Variants in WSCD2 observed in about 807,000 individuals in gnomAD.
The protein encoded by WSCD2 is sialate:O-sulfotransferase 2.
In WSCD2, 28 loss-of-function variants were observed where a neutral mutation model predicts 55.7. The observed-to-expected ratio is 0.50, with a 90% confidence interval of 0.37 to 0.69. WSCD2 has a LOEUF of 0.69. Among genes scored for constraint, WSCD2 ranks in the 30% least tolerant of loss-of-function variants. The probability of loss-of-function intolerance (pLI) is 0.00; values close to 1 mark genes in which losing one functional copy is unlikely to be tolerated. For missense variants in WSCD2, 616 were observed against 762.1 expected (o/e 0.81, Z 2.26); for synonymous variants, 301 against 301.9 (o/e 1.00, Z 0.03).
intron 2 of WSCD2, among the ~76,000 whole-genome samples, chr12:108,200,317 C>T (rs375642455): frequency 8.5e-5 from 13 of 152,156 alleles, no homozygotes; most frequent in African/African-American, 3.1e-4. Flanking sequence ...GATGAAGAAA[C>T]AGGCTCAGAG....
At chr12:108,184,048 T>G (rs1221516411) in intron 1 of WSCD2, among the ~76,000 whole-genome samples, 2 of 152,202 alleles carry the variant, frequency 1.3e-5, no homozygotes, top group African/African-American at 2.4e-5. Flanking sequence ...AAGGCTGGGA[T>G]GCAGGAAAAC....
chr12:108,212,022 C>T (rs899699688), intron 4 of WSCD2, among the ~76,000 whole-genome samples: 5 of 152,028 alleles, frequency 3.3e-5, no homozygotes, highest in African/African-American at 7.3e-5. Context: ...GTCAAGCATG[C>T]GGTCAATTTG....
intron 1 of WSCD2, among the ~76,000 whole-genome samples, chr12:108,188,709 G>A (rs936026287): frequency 2.6e-5 from 4 of 151,996 alleles, no homozygotes; most frequent in South Asian, 2.1e-4. Flanking sequence ...AGAAGTGTTC[G>A]AGGCATGGCC....
intron 4 of WSCD2, among the ~76,000 whole-genome samples, chr12:108,224,151 T>C (rs1887821868): frequency 6.6e-6 from 1 of 152,220 alleles, no homozygotes; most frequent in Non-Finnish European, 1.5e-5. Context: ...CTGGGTTAAA[T>C]TTTCTTAAAG....
At position 108,248,890 on chromosome 12, in the gene WSCD2, C is replaced by T. The variant is rs188079823; in HGVS notation, c.*547C>T. 26 of 988,694 alleles carry T rather than the reference C, an allele frequency of 2.6e-5. 1 individual carries two copies. 61.2% of individuals were successfully genotyped at this position (988,694 alleles called of 1,614,324 possible). A position where few individuals can be genotyped will look rare whatever the true frequency, so the allele number is the denominator to read the frequency against. ...GATTGCTGGGAAGTTTCTCCGTGGC[C>T]TTAGGTTTCTGACATCCTGGATAGT... On this transcript the variant is annotated 3_prime_UTR_variant, in exon 9 of 9. Coordinates refer to ENST00000547525, the MANE Select transcript of WSCD2 (RefSeq NM_014653.4). This position sits in a 1 kb window ranked among gnomAD's most constrained non-coding sequence, Gnocchi z 4.3.
At chr12:108,243,228 G>A (rs954861031) in intron 8 of WSCD2, among the ~76,000 whole-genome samples, 1 of 152,166 alleles carries the variant, frequency 6.6e-6, no homozygotes, top group African/African-American at 2.4e-5. Context: ...TGTGTGTGTG[G>A]TTTTTTGTTT....
intron 3 of WSCD2, among the ~76,000 whole-genome samples, 164 bp from the exon 4 acceptor site, chr12:108,209,957 C>T (rs1466855943): frequency 6.6e-6 from 1 of 152,154 alleles, no homozygotes; most frequent in Non-Finnish European, 1.5e-5. Context: ...CTCCTGTCCC[C>T]TGGGGTCTCC....
intron 6 of WSCD2, among the ~76,000 whole-genome samples, chr12:108,229,867 A>C (rs907667176): frequency 2.0e-5 from 2 of 102,418 alleles, no homozygotes; most frequent in African/African-American, 7.6e-5. Context: ...TTGCTCTGGA[A>C]AAAAAAAAAA....
In WSCD2 at chr12:108,227,134, T is replaced by C. The variant is rs779734346; in HGVS notation, c.949T>C (p.Tyr317His). The change falls in exon 6 of 9, where the codon TAC (tyrosine) becomes CAC (histidine). Residue 317 changes from tyrosine (Y) to histidine (H), a missense_variant. Tyr to His is a moderately conservative substitution (Grantham distance 83). Transcript: ENST00000547525. ...GTTTGAGAGCTGCGGGACTCCTAGTTACTTCATTGTGTACCAGACACAAGT... is the reference window on the plus strand; with the variant it reads ...GTTTGAGAGCTGCGGGACTCCTAGTCACTTCATTGTGTACCAGACACAAGT... ...EEFESCGTPSYFIVYQTQVQD... is the reference protein window; with the variant it reads ...EEFESCGTPSHFIVYQTQVQD... 7 of 1,614,094 alleles carry C rather than the reference T, an allele frequency of 4.3e-6. No individual in the cohort carries two copies. The highest frequency in any genetic ancestry group is 3.3e-4 in the Middle Eastern group (2 of 6,062).
chr12:108,176,901 GA>G, intron 1 of WSCD2, among the ~76,000 whole-genome samples: 1 of 152,304 alleles, frequency 6.6e-6, no homozygotes, highest in Middle Eastern at 3.4e-3. Flanking sequence ...CAGCCCACGT[GA>G]AAGCGATTAG....
At chr12:108,143,980 G>A (rs1020811919) in intron 1 of WSCD2, among the ~76,000 whole-genome samples, 4 of 152,104 alleles carry the variant, frequency 2.6e-5, no homozygotes, top group Non-Finnish European at 4.4e-5. Context: ...CCCATCCACG[G>A]GGCACAGCTT....
At chr12:108,165,159 G>C (rs1001084923) in intron 1 of WSCD2, among the ~76,000 whole-genome samples, 1 of 152,162 alleles carries the variant, frequency 6.6e-6, no homozygotes, top group Non-Finnish European at 1.5e-5. Flanking sequence ...TCTGATTAAA[G>C]GGCTTCAAAT....
intron 1 of WSCD2, among the ~76,000 whole-genome samples, chr12:108,187,003 A>C (rs781672513): frequency 3.3e-5 from 5 of 152,010 alleles, no homozygotes; most frequent in Non-Finnish European, 5.9e-5. Context: ...CTCTTTGCAG[A>C]CTTAACTTTT....
intron 1 of WSCD2, among the ~76,000 whole-genome samples, chr12:108,140,638 A>C (rs549793536): frequency 1.3e-5 from 2 of 152,284 alleles, no homozygotes; most frequent in African/African-American, 4.8e-5. Context: ...TTGAGGTGTC[A>C]GTGTCTTCTC....
chr12:108,226,097 T>A (rs931003372), intron 5 of WSCD2, among the ~76,000 whole-genome samples: 4 of 151,898 alleles, frequency 2.6e-5, no homozygotes, highest in Non-Finnish European at 4.4e-5. Context: ...TCTGAGTCTG[T>A]TCTCAGACTC....
At chr12:108,203,180 A>C (rs982033006) in intron 2 of WSCD2, among the ~76,000 whole-genome samples, 1 of 152,346 alleles carries the variant, frequency 6.6e-6, no homozygotes, top group Non-Finnish European at 1.5e-5. Flanking sequence ...CAAGGGACAA[A>C]AATCCACCTT....
At chr12:108,235,241 T>A (rs1478933357) in intron 7 of WSCD2, among the ~76,000 whole-genome samples, 2 of 152,182 alleles carry the variant, frequency 1.3e-5, no homozygotes, top group African/African-American at 4.8e-5. Context: ...TGTGAGATAA[T>A]ATGTGTGAGC....
intron 1 of WSCD2, among the ~76,000 whole-genome samples, chr12:108,176,041 G>T (rs1029920087): frequency 4.0e-5 from 6 of 151,888 alleles, no homozygotes; most frequent in Admixed American, 2.6e-4. Flanking sequence ...GGGTTTCACC[G>T]TGTTAGCCAG....
intron 4 of WSCD2, among the ~76,000 whole-genome samples, chr12:108,214,443 C>T (rs1886596857): frequency 6.6e-6 from 1 of 152,182 alleles, no homozygotes; most frequent in Non-Finnish European, 1.5e-5. Flanking sequence ...GGACTCTTTG[C>T]CCTTGTTACA....
Sources: gnomAD v4.1 joint callset for allele counts (sites outside exome capture counted in the v4.1 genomes callset) on GRCh38, gnomAD v4.1.1 for gene constraint, Gnocchi (gnomAD v3.1) non-coding constraint, MANE v1.5 for transcripts, NCBI Gene and HGNC (gene_info 2026-07-23, HGNC 2026-07-21) for gene names.